Variants in RHBDD1 observed in about 807,000 individuals in gnomAD.
The protein encoded by RHBDD1 is rhomboid-related protein 4.
RHBDD1 carries 38 observed loss-of-function variants against 36.3 expected under a neutral mutation model. The observed-to-expected ratio is 1.05, with a 90% CI of 0.81 to 1.37. The LOEUF (loss-of-function observed/expected upper bound fraction) is 1.37, where lower values mean the gene tolerates loss of function less well. RHBDD1 is among the 40% of genes most tolerant of loss of function. The probability of loss-of-function intolerance (pLI) is 0.00; values close to 1 mark genes in which losing one functional copy is unlikely to be tolerated. For missense variants in RHBDD1, 393 were observed against 377.6 expected, an observed-to-expected ratio of 1.04 and a Z score of -0.34; for synonymous variants, 151 against 136.5, an observed-to-expected ratio of 1.11 and a Z score of -0.74.
intron 5 of RHBDD1, chr2:226,869,070 A>T (rs1194256819): frequency 1.9e-6 from 1 of 540,230 alleles, no homozygotes; most frequent in South Asian, 8.1e-5. Context: ...TGATGAATCC[A>T]TTGAATAACA....
chr2:226,953,913 C>A (rs55748731), intron 8 of RHBDD1, among the ~76,000 whole-genome samples: 66,283 of 151,986 alleles, frequency 0.44, 14,540 homozygotes, highest in South Asian at 0.52. Context: ...TTACATTTAA[C>A]ATGAGTTACC....
the RHBDD1 span, among the ~76,000 whole-genome samples, chr2:226,809,738 A>G: frequency 1.2e-4 from 18 of 152,248 alleles, no homozygotes; most frequent in African/African-American, 3.4e-4. Context: ...ATATCTAGGA[A>G]TCTACTTCTA....
the RHBDD1 span, among the ~76,000 whole-genome samples, chr2:226,818,457 C>A: frequency 6.7e-6 from 1 of 150,224 alleles, no homozygotes; most frequent in Non-Finnish European, 1.5e-5. Context: ...TGAGCCACTG[C>A]ACCCAGCTCA....
At chr2:226,892,602 T>G (rs1946776545) in intron 5 of RHBDD1, among the ~76,000 whole-genome samples, 1 of 152,198 alleles carries the variant, frequency 6.6e-6, no homozygotes, top group African/African-American at 2.4e-5. Context: ...TTATGCAGCA[T>G]TGCAGTAGAA....
chr2:226,942,898 G>A (rs185464558), intron 8 of RHBDD1, among the ~76,000 whole-genome samples: 59 of 152,290 alleles, frequency 3.9e-4, no homozygotes, highest in African/African-American at 1.3e-3. Context: ...TTTATGTTGA[G>A]CTATTTCCCA....
chr2:226,823,635 T>C, the RHBDD1 span, among the ~76,000 whole-genome samples: 1 of 152,086 alleles, frequency 6.6e-6, no homozygotes, highest in African/African-American at 2.4e-5. Context: ...CAGAAAAAAA[T>C]GTGGATAGAT....
chr2:226,863,887 C>G (rs544500041), intron 3 of RHBDD1, among the ~76,000 whole-genome samples: 1 of 152,150 alleles, frequency 6.6e-6, no homozygotes, highest in Non-Finnish European at 1.5e-5. Flanking sequence ...AGACCATAGT[C>G]AGATCACCAC....
intron 3 of RHBDD1, among the ~76,000 whole-genome samples, chr2:226,859,515 G>A (rs980819823): frequency 7.2e-5 from 11 of 152,176 alleles, no homozygotes; most frequent in Admixed American, 6.5e-4. Context: ...ATCTTCCATG[G>A]ATACCCAGGG....
chr2:226,910,347 G>A (rs1337726218), intron 7 of RHBDD1, among the ~76,000 whole-genome samples: 1 of 152,176 alleles, frequency 6.6e-6, no homozygotes, highest in African/African-American at 2.4e-5. Context: ...TTTCTCTGAA[G>A]TGATTGGATT....
intron 8 of RHBDD1, chr2:226,914,573 G>C (rs1370771826): frequency 3.1e-6 from 1 of 326,736 alleles, no homozygotes; most frequent in Non-Finnish European, 5.5e-6. Context: ...TGTTAAAGTG[G>C]TTCTTTTTAT....
intron 8 of RHBDD1, among the ~76,000 whole-genome samples, chr2:226,990,516 T>C (rs1446982585): frequency 6.6e-6 from 1 of 152,204 alleles, no homozygotes; most frequent in East Asian, 1.9e-4. Context: ...ATGGGCAGGA[T>C]CTATGAATAG....
In RHBDD1 at chr2:226,936,031, A is replaced by T. The variant is rs528569878; in HGVS notation, c.856+21680A>T. On this transcript the variant is annotated intron_variant, in intron 8 of 8. Transcript: ENST00000392062. Reference sequence around the variant, plus strand: ...TACGACTAATTCTGTGTGACCACTTAACTTCTTTTTTTTAAAAAGTAATTT... The same window carrying T: ...TACGACTAATTCTGTGTGACCACTTTACTTCTTTTTTTTAAAAAGTAATTT... Among the ~76,000 whole-genome samples, 13 of 152,180 alleles carry T rather than the reference A, an allele frequency of 8.5e-5. No homozygotes were observed. The South Asian group carries it at 2.7e-3, about 32-fold the overall frequency.
chr2:226,804,821 TG>T, the RHBDD1 span: 1 of 152,188 alleles, frequency 6.6e-6, no homozygotes, highest in African/African-American at 2.4e-5. Context: ...ATTGGTGATT[TG>T]GGGAGTGGTG....
At position 226,946,254 on chromosome 2, in the gene RHBDD1, T is replaced by C. The variant is rs556002359; in HGVS notation, c.856+31903T>C. Among the ~76,000 whole-genome samples the C allele has an allele frequency of 5.3e-5, 8 of 152,306 alleles. No homozygotes were observed. The South Asian group carries it at 1.7e-3, about 32-fold the overall frequency. ...TATGTTCTGAATGGTATTGCCTAGA[T>C]TTTCTTCTAGGGTTTTTATGGTTTT... On this transcript the variant is annotated intron_variant, in intron 8 of 8. Coordinates refer to ENST00000392062, the MANE Select transcript of RHBDD1 (RefSeq NM_001167608.3).
chr2:226,879,637 A>G (rs1023575062), intron 5 of RHBDD1, among the ~76,000 whole-genome samples: 1 of 152,252 alleles, frequency 6.6e-6, no homozygotes, highest in African/African-American at 2.4e-5. Context: ...TTCCCAAATG[A>G]AAGTATAACA....
intron 1 of RHBDD1, 51 bp from the exon 2 acceptor site, chr2:226,838,022 C>A (rs1941170669): frequency 6.6e-6 from 1 of 152,206 alleles, no homozygotes; most frequent in African/African-American, 2.4e-5. Flanking sequence ...GTGCCCTCAA[C>A]CTGCTGTGTT....
intron 5 of RHBDD1, among the ~76,000 whole-genome samples, chr2:226,899,516 A>T (rs1294024001): frequency 1.3e-5 from 2 of 152,244 alleles, no homozygotes; most frequent in East Asian, 3.8e-4. Flanking sequence ...GTAAAAGCAC[A>T]TGAGACCTCA....
At chr2:226,904,084 AT>A (rs1947825731) in intron 5 of RHBDD1, among the ~76,000 whole-genome samples, 1 of 152,098 alleles carries the variant, frequency 6.6e-6, no homozygotes, top group Admixed American at 6.5e-5. Flanking sequence ...GTGTGATCTG[AT>A]TTTTCCTGGA....
intron 8 of RHBDD1, among the ~76,000 whole-genome samples, chr2:226,973,485 T>A (rs901060523): frequency 6.6e-6 from 1 of 152,184 alleles, no homozygotes; most frequent in Non-Finnish European, 1.5e-5. Flanking sequence ...ACTGCCCCCA[T>A]TCTAAGATTG....
Sources: allele counts gnomAD v4.1 joint callset (sites outside exome capture counted in the v4.1 genomes callset), GRCh38; gene constraint gnomAD v4.1.1; transcripts MANE v1.5; gene names NCBI Gene and HGNC (gene_info 2026-07-23, HGNC 2026-07-21).